NXPH1: variants seen among roughly 807,000 people sequenced by gnomAD.
NXPH1 encodes the protein neurexophilin 1.
Under a neutral mutation model 23.7 loss-of-function variants are expected in NXPH1, and 5 were observed. The ratio of observed to expected loss-of-function variants is 0.21; its 90% CI spans 0.11 to 0.44. NXPH1 has a LOEUF of 0.44. Ranked by LOEUF, NXPH1 falls within the 20% of genes least tolerant of loss-of-function variation. NXPH1 has a pLI of 0.99. For synonymous variants in NXPH1, 144 were observed against 122.2 expected, an observed-to-expected ratio of 1.18 and a Z score of -1.18; for missense variants, 324 against 321.6, an observed-to-expected ratio of 1.01 and a Z score of -0.06.
At chr7:8,518,400 C>G (rs1163127661) in intron 2 of NXPH1, among the ~76,000 whole-genome samples, 1 of 151,930 alleles carries the variant, frequency 6.6e-6, no homozygotes, top group Non-Finnish European at 1.5e-5. Flanking sequence ...TTATTATATA[C>G]CTAACACATA....
intron 2 of NXPH1, among the ~76,000 whole-genome samples, chr7:8,509,768 G>T (rs1364942729): frequency 6.6e-6 from 1 of 152,094 alleles, no homozygotes; most frequent in African/African-American, 2.4e-5. Flanking sequence ...CCATGAAACA[G>T]TTAACACATG....
At chr7:8,488,236 T>TAC (rs1817190880) in intron 2 of NXPH1, among the ~76,000 whole-genome samples, 5 of 136,820 alleles carry the variant, frequency 3.7e-5, no homozygotes, top group Admixed American at 6.8e-5. Flanking sequence ...GGACACATAC[T>TAC]ATATCTTACA....
At chr7:8,552,114 C>CAAAAAAAAAAAA (rs34390317) in intron 2 of NXPH1, among the ~76,000 whole-genome samples, 11 of 61,728 alleles carry the variant, frequency 1.8e-4, no homozygotes, top group African/African-American at 2.8e-4. Context: ...GAAAAAAAAC[C>CAAAAAAAAAAAA]AAAAAAAAAA....
At chr7:8,680,016 G>A (rs143651568) in intron 2 of NXPH1, among the ~76,000 whole-genome samples, 99 of 152,366 alleles carry the variant, frequency 6.5e-4, no homozygotes, top group African/African-American at 2.4e-3. Context: ...GCGAGACTAC[G>A]TCTCAAAAGC....
At chr7:8,501,840 A>G (rs1476898853) in intron 2 of NXPH1, among the ~76,000 whole-genome samples, 2 of 152,132 alleles carry the variant, frequency 1.3e-5, no homozygotes, top group Non-Finnish European at 2.9e-5. Flanking sequence ...AGTCTTACCC[A>G]AGAGTCGTGG....
chr7:8,721,790 C>T (rs1325842740), intron 2 of NXPH1, among the ~76,000 whole-genome samples: 1 of 152,162 alleles, frequency 6.6e-6, no homozygotes, highest in Non-Finnish European at 1.5e-5. Context: ...AAAGGCATTT[C>T]TTGATTGTTT....
Position 8,447,916 on chromosome 7 carries a change from A to G in NXPH1, c.54+12149A>G, listed in dbSNP as rs1816433355. On this transcript the variant is annotated intron_variant, in intron 2 of 2. Coordinates refer to ENST00000405863, the MANE Select transcript of NXPH1 (RefSeq NM_152745.3). ...AAAGACCATCATCAAACTTCCAGCC[A>G]GGTGGATAATATCATGGCACCCAAC... Among the ~76,000 whole-genome samples, 3 of 152,322 alleles carry G rather than the reference A, an allele frequency of 2.0e-5. No homozygotes were observed. In the South Asian group the frequency reaches 6.2e-4, roughly 32 times the overall value.
chr7:8,679,347 G>C (rs1428154116), intron 2 of NXPH1, among the ~76,000 whole-genome samples: 1 of 152,164 alleles, frequency 6.6e-6, no homozygotes, highest in Admixed American at 6.5e-5. Flanking sequence ...TTATGGGCTA[G>C]ACAAATATAA....
intron 2 of NXPH1, among the ~76,000 whole-genome samples, chr7:8,525,942 G>C (rs1817854724): frequency 6.6e-6 from 1 of 152,204 alleles, no homozygotes; most frequent in Admixed American, 6.5e-5. Flanking sequence ...TCCCTACTGG[G>C]GCTCCACCTA....
intron 2 of NXPH1, among the ~76,000 whole-genome samples, chr7:8,717,627 C>A (rs1227322087): frequency 6.6e-6 from 1 of 152,066 alleles, no homozygotes; most frequent in Admixed American, 6.6e-5. Context: ...CTTTCTGGGC[C>A]ACAAGGCACT....
At chr7:8,509,444 C>A (rs1314587047) in intron 2 of NXPH1, among the ~76,000 whole-genome samples, 3 of 152,112 alleles carry the variant, frequency 2.0e-5, no homozygotes, top group Admixed American at 6.6e-5. Flanking sequence ...TGTGGAACAT[C>A]TATTCTCTTT....
At chr7:8,707,600 A>T (rs1014619149) in intron 2 of NXPH1, among the ~76,000 whole-genome samples, 1 of 152,100 alleles carries the variant, frequency 6.6e-6, no homozygotes, top group Admixed American at 6.5e-5. Context: ...ATATATATAT[A>T]TACTCATCAT....
At chr7:8,509,309 A>G (rs1345205924) in intron 2 of NXPH1, among the ~76,000 whole-genome samples, 1 of 152,148 alleles carries the variant, frequency 6.6e-6, no homozygotes, top group African/African-American at 2.4e-5. Context: ...GTACAATTTA[A>G]GTAGCTTATT....
chr7:8,592,102 G>A (rs1819109346), intron 2 of NXPH1, among the ~76,000 whole-genome samples: 3 of 152,002 alleles, frequency 2.0e-5, no homozygotes, highest in African/African-American at 2.4e-5. Context: ...ATAACTGTAA[G>A]GGTACTATGG....
intron 2 of NXPH1, among the ~76,000 whole-genome samples, chr7:8,647,521 T>C (rs1015236520): frequency 3.9e-5 from 6 of 152,090 alleles, no homozygotes; most frequent in African/African-American, 1.4e-4. Context: ...TTTATGAATG[T>C]TTAGGTTTTA....
At chr7:8,707,593 T>C (rs1204676386) in intron 2 of NXPH1, among the ~76,000 whole-genome samples, 1 of 152,126 alleles carries the variant, frequency 6.6e-6, no homozygotes, top group Non-Finnish European at 1.5e-5. Context: ...AATGAGTATA[T>C]ATATATATAC....
chr7:8,737,061 A>C (rs922318273), intron 2 of NXPH1, among the ~76,000 whole-genome samples: 2 of 151,982 alleles, frequency 1.3e-5, no homozygotes, highest in Non-Finnish European at 2.9e-5. Flanking sequence ...AATACAGCAG[A>C]TCGATGAGTC....
At chr7:8,612,392 A>G (rs1236771367) in intron 2 of NXPH1, among the ~76,000 whole-genome samples, 1 of 145,408 alleles carries the variant, frequency 6.9e-6, no homozygotes, top group African/African-American at 2.4e-5. Context: ...CTTCTCTCAA[A>G]CATAGTTTTG....
At chr7:8,643,393 C>T (rs1490304723) in intron 2 of NXPH1, among the ~76,000 whole-genome samples, 1 of 152,060 alleles carries the variant, frequency 6.6e-6, no homozygotes, top group Admixed American at 6.6e-5. Context: ...GTTGCTAATA[C>T]TTTATTAGGA....
Sources: gnomAD v4.1 joint callset for allele counts (sites outside exome capture counted in the v4.1 genomes callset) on GRCh38, gnomAD v4.1.1 for gene constraint, MANE v1.5 for transcripts, NCBI Gene and HGNC (gene_info 2026-07-23, HGNC 2026-07-21) for gene names.